ERG: variants seen among roughly 807,000 people sequenced by gnomAD.
ERG encodes transcriptional regulator ERG.
A neutral mutation model predicts 55.3 loss-of-function variants in ERG; 9 were observed. That is an observed-to-expected ratio of 0.16 (90% CI 0.10 to 0.28). ERG has a LOEUF of 0.28. Ranked by LOEUF, ERG falls within the 10% of genes least tolerant of loss-of-function variation. The probability of loss-of-function intolerance (pLI) is 1.00; values close to 1 mark genes in which losing one functional copy is unlikely to be tolerated. For synonymous variants in ERG, 223 were observed against 237.3 expected (o/e 0.94, Z 0.55); for missense variants, 434 against 631.6 (o/e 0.69, Z 3.35).
chr21:38,473,894 G>C (rs2059163446), intron 1 of ERG: 1 of 147,118 alleles, frequency 6.8e-6, no homozygotes, highest in Non-Finnish European at 1.5e-5. Flanking sequence ...GTATGTGTGT[G>C]TAAGTGTTGT....
intron 1 of ERG, among the ~76,000 whole-genome samples, chr21:38,450,181 G>C (rs1176894879): frequency 6.7e-6 from 1 of 149,584 alleles, no homozygotes; most frequent in Non-Finnish European, 1.5e-5. Context: ...CATGAGTTCA[G>C]GAGATCGAGA....
In ERG at chr21:38,523,403, T is replaced by C. The variant is rs139235317; in HGVS notation, c.-41+52259A>G. Reference sequence around the variant, plus strand: ...ATATCTTATATAACACCAAGTCCATTTTCCAAATGAGGATTCCAATGAGTA... The same window carrying C: ...ATATCTTATATAACACCAAGTCCATCTTCCAAATGAGGATTCCAATGAGTA... On this transcript the variant is annotated intron_variant, in intron 2 of 8. Transcript: ENST00000398897. 1.5e-3 allele frequency among the ~76,000 whole-genome samples: 234 copies of C among 152,290 alleles called. 1 individual carries two copies. Among genetic ancestry groups the C allele is most frequent in the East Asian group, 1.2e-3 (6 of 5,178 alleles).
intron 1 of ERG, among the ~76,000 whole-genome samples, chr21:38,604,282 T>C (rs2060184028): frequency 6.6e-6 from 1 of 151,662 alleles, no homozygotes; most frequent in African/African-American, 2.4e-5. Flanking sequence ...ACTAGTTTTA[T>C]GTCTTAATAG....
Position 38,575,590 on chromosome 21 carries a change from G to A in ERG, c.-41+72C>T, listed in dbSNP as rs537098237. ...TGACTGACCCCTAATTAACTGATATGTGGGCTGCTATCCATGAAAACCTAG... is the reference window on the plus strand; with the variant it reads ...TGACTGACCCCTAATTAACTGATATATGGGCTGCTATCCATGAAAACCTAG... On this transcript the variant is annotated intron_variant, in intron 2 of 8. Coordinates refer to the ERG transcript ENST00000398897. 3 of 1,097,730 alleles carry A rather than the reference G, an allele frequency of 2.7e-6. No individual in the cohort carries two copies. In the African/African-American group the frequency reaches 4.6e-5, roughly 17 times the overall value. The allele number at this position is 1,097,730 out of a possible 1,614,324, so 68.0% of individuals were successfully genotyped here. A position where few individuals can be genotyped will look rare whatever the true frequency, so the allele number is the denominator to read the frequency against.
chr21:38,452,294 T>C (rs1278593402), intron 1 of ERG, among the ~76,000 whole-genome samples: 2 of 152,216 alleles, frequency 1.3e-5, no homozygotes, highest in Non-Finnish European at 2.9e-5. Flanking sequence ...CACATATACA[T>C]GTGTGCATGC....
At chr21:38,387,969 T>C (rs1987780743) in intron 9 of ERG, among the ~76,000 whole-genome samples, 1 of 152,214 alleles carries the variant, frequency 6.6e-6, no homozygotes, top group African/African-American at 2.4e-5. Flanking sequence ...CTGCGCAAAC[T>C]TGCTTTCAGG....
chr21:38,661,407 G>A (rs1016063062), intron 1 of ERG, among the ~76,000 whole-genome samples: 3 of 152,208 alleles, frequency 2.0e-5, no homozygotes, highest in Non-Finnish European at 4.4e-5. Context: ...GAGAGGCGCG[G>A]TGCCCGGGAC....
chr21:38,402,484 T>C, intron 5 of ERG, 73 bp downstream of exon 5: 1 of 1,132,806 alleles, frequency 8.8e-7, no homozygotes, highest in Non-Finnish European at 1.3e-6. Context: ...CTGACTGGTT[T>C]CCCATGAAAG....
intron 1 of ERG, among the ~76,000 whole-genome samples, chr21:38,474,422 C>T (rs1369248546): frequency 6.6e-6 from 1 of 152,190 alleles, no homozygotes; most frequent in Admixed American, 6.5e-5. Context: ...GCAGCAGGGT[C>T]CTGATGAGTG....
Position 38,382,690 on chromosome 21 carries a change from CCTCCTTCTTCACCCCTCTGTCTA to C in ERG, c.*690_*712del. On this transcript the variant is annotated 3_prime_UTR_variant, in exon 10 of 10. Transcript: ENST00000288319. ...GTCTCCTCCTTCTCTGCCTCTTCCTCCTCCTTCTTCACCCCTCTGTCTACAATCACACGCTCACTCTATACACA... is the reference window on the plus strand; with the variant it reads ...GTCTCCTCCTTCTCTGCCTCTTCCTCCAATCACACGCTCACTCTATACACA... 2.7e-5 allele frequency: 29 copies of C among 1,067,138 alleles called. No homozygotes were observed. Among genetic ancestry groups the C allele is most frequent in the Non-Finnish European group, 3.3e-5 (29 of 880,142 alleles). 66.1% of individuals were successfully genotyped at this position (1,067,138 alleles called of 1,614,324 possible). A position where few individuals can be genotyped will look rare whatever the true frequency, so the allele number is the denominator to read the frequency against.
intron 9 of ERG, among the ~76,000 whole-genome samples, chr21:38,390,114 C>T (rs755370679): frequency 3.9e-5 from 6 of 152,206 alleles, no homozygotes; most frequent in Non-Finnish European, 5.9e-5. Context: ...CTATGAATTT[C>T]TGAAGCTGGT....
chr21:38,422,645 T>C (rs1441226019), intron 3 of ERG, among the ~76,000 whole-genome samples: 1 of 152,256 alleles, frequency 6.6e-6, no homozygotes, highest in Non-Finnish European at 1.5e-5. Flanking sequence ...TAAGTCATTT[T>C]TTCTATTACC....
intron 1 of ERG, among the ~76,000 whole-genome samples, chr21:38,469,339 T>C (rs79287280): frequency 0.019 from 2,827 of 152,264 alleles, 76 homozygotes; most frequent in East Asian, 0.13. Context: ...AAGACATGAG[T>C]AGTCTACCTA....
chr21:38,386,833 G>A (rs1987712033), intron 9 of ERG, among the ~76,000 whole-genome samples: 2 of 151,750 alleles, frequency 1.3e-5, no homozygotes, highest in Non-Finnish European at 2.9e-5. Context: ...TGCGATGTCA[G>A]TAAGGAGGAA....
At chr21:38,636,133 C>G (rs2060386938) in intron 1 of ERG, among the ~76,000 whole-genome samples, 1 of 152,174 alleles carries the variant, frequency 6.6e-6, no homozygotes, top group Admixed American at 6.5e-5. Flanking sequence ...CCCTATTGAT[C>G]AGCATTTCTC....
At chr21:38,575,591 TG>T in intron 2 of ERG, 1 of 1,102,382 alleles carries the variant, frequency 9.1e-7, no homozygotes, top group African/African-American at 1.5e-5. Flanking sequence ...AACTGATATG[TG>T]GGCTGCTATC....
chr21:38,513,206 G>A (rs1489806129), intron 2 of ERG, among the ~76,000 whole-genome samples: 1 of 151,974 alleles, frequency 6.6e-6, no homozygotes, highest in African/African-American at 2.4e-5. Context: ...GCTACAAAGA[G>A]GTTGAAGCTT....
chr21:38,402,950 T>C (rs1988577413), intron 4 of ERG, among the ~76,000 whole-genome samples: 1 of 152,216 alleles, frequency 6.6e-6, no homozygotes, highest in Non-Finnish European at 1.5e-5. Context: ...CTCACCATGC[T>C]GGACGTTGTA....
chr21:38,627,082 A>T (rs928866002), intron 1 of ERG, among the ~76,000 whole-genome samples: 28 of 152,142 alleles, frequency 1.8e-4, no homozygotes, highest in African/African-American at 3.6e-4. Flanking sequence ...ACATAAAAAA[A>T]TTTTTTAAAT....
Sources: allele counts gnomAD v4.1 joint callset (sites outside exome capture counted in the v4.1 genomes callset), GRCh38; gene constraint gnomAD v4.1.1; transcripts MANE v1.5; gene names NCBI Gene and HGNC (gene_info 2026-07-23, HGNC 2026-07-21).